Variants in SLC25A26 observed in about 807,000 individuals in gnomAD.
The protein encoded by SLC25A26 is solute carrier family 25 member 26, also known as mitochondrial S-adenosylmethionine carrier protein.
Under a neutral mutation model 37.8 loss-of-function variants are expected in SLC25A26, and 36 were observed. The observed-to-expected ratio is 0.95, with a 90% CI of 0.73 to 1.26. The LOEUF is 1.26. SLC25A26 is among the 50% of genes most tolerant of loss of function. SLC25A26 has a pLI of 0.00. For missense variants in SLC25A26, 390 were observed against 331.1 expected, an observed-to-expected ratio of 1.18 and a Z score of -1.38; for synonymous variants, 129 against 122.5, an observed-to-expected ratio of 1.05 and a Z score of -0.35.
intron 5 of SLC25A26, among the ~76,000 whole-genome samples, chr3:66,345,145 A>T (rs1428423224): frequency 2.0e-5 from 3 of 152,012 alleles, no homozygotes; most frequent in Non-Finnish European, 2.9e-5. Flanking sequence ...TCTCTTGACC[A>T]CTCATACTTC....
At chr3:66,217,694 G>A (rs1470884896), upstream of SLC25A26, among the ~76,000 whole-genome samples, 4 of 152,010 alleles carry the variant, frequency 2.6e-5, 1 homozygote, top group East Asian at 3.9e-4. Context: ...GACTCCAGGC[G>A]CGCATCACCA....
At chr3:66,333,865 G>C (rs1218702356) in intron 5 of SLC25A26, among the ~76,000 whole-genome samples, 1 of 152,074 alleles carries the variant, frequency 6.6e-6, no homozygotes. Context: ...ACACACTCCA[G>C]TTCCCTCCTC....
chr3:66,258,769 G>A (rs2127234), intron 3 of SLC25A26, among the ~76,000 whole-genome samples: 2,192 of 151,932 alleles, frequency 0.014, 51 homozygotes, highest in African/African-American at 0.05. Context: ...AGAATTGCCT[G>A]AGCCCAGGAG....
At chr3:66,161,176 A>T (rs1156238413) in intron 1 of SLC25A26, among the ~76,000 whole-genome samples, 1 of 151,840 alleles carries the variant, frequency 6.6e-6, no homozygotes, top group Non-Finnish European at 1.5e-5. Flanking sequence ...AAAAAAAAAA[A>T]GAACTTCTTT....
chr3:66,161,134 A>G (rs2070352512), intron 1 of SLC25A26, among the ~76,000 whole-genome samples: 1 of 152,048 alleles, frequency 6.6e-6, no homozygotes, highest in Non-Finnish European at 1.5e-5. Flanking sequence ...AAGGATAGAA[A>G]AGGATTCAAT....
intron 5 of SLC25A26, among the ~76,000 whole-genome samples, chr3:66,331,006 T>C (rs574793438): frequency 1.3e-5 from 2 of 152,064 alleles, no homozygotes; most frequent in South Asian, 2.1e-4. Flanking sequence ...TTATTATTAA[T>C]ATAATTTAGA....
At chr3:66,244,853 T>C (rs1201495838) in intron 3 of SLC25A26, among the ~76,000 whole-genome samples, 1 of 151,394 alleles carries the variant, frequency 6.6e-6, no homozygotes, top group East Asian at 1.9e-4. Context: ...GGTGGGTGCC[T>C]GTAGTCCCAG....
At position 66,341,265 on chromosome 3, in the gene SLC25A26, T is replaced by G. The variant is rs117402195; in HGVS notation, c.454-5099T>G. 4.7e-3 allele frequency among the ~76,000 whole-genome samples: 716 copies of G among 152,240 alleles called. 17 individuals are homozygous for G. Among genetic ancestry groups the G allele is most frequent in the Admixed American group, 0.043 (663 of 15,280 alleles). On this transcript the variant is annotated intron_variant, in intron 5 of 9. Transcript: ENST00000354883. ...GAGGAAGTTCCTTCCCATTCTTATTTTGATGAGCATTTTTATCATAAGTCA... is the reference window on the plus strand; with the variant it reads ...GAGGAAGTTCCTTCCCATTCTTATTGTGATGAGCATTTTTATCATAAGTCA...
chr3:66,192,317 C>CAAAA (rs1229602690), intron 1 of SLC25A26, among the ~76,000 whole-genome samples: 98 of 109,998 alleles, frequency 8.9e-4, no homozygotes, highest in South Asian at 2.6e-3. Flanking sequence ...CTCCATGTCA[C>CAAAA]AAAAAAAAAA....
chr3:66,277,682 C>T (rs149545475), intron 5 of SLC25A26, among the ~76,000 whole-genome samples: 1 of 152,138 alleles, frequency 6.6e-6, no homozygotes, highest in Non-Finnish European at 1.5e-5. Context: ...CTATTTATCA[C>T]TTACAAAGGG....
intron 1 of SLC25A26, among the ~76,000 whole-genome samples, chr3:66,147,968 A>T (rs1559550879): frequency 6.6e-6 from 1 of 152,016 alleles, no homozygotes; most frequent in Non-Finnish European, 1.5e-5. Flanking sequence ...CCTGTCGGCC[A>T]GGCTGGTCTG....
chr3:66,260,900 A>G (rs2073503622), intron 3 of SLC25A26, among the ~76,000 whole-genome samples: 1 of 152,196 alleles, frequency 6.6e-6, no homozygotes, highest in Non-Finnish European at 1.5e-5. Flanking sequence ...TTACATTATA[A>G]ATTTGCTGTA....
chr3:66,147,739 C>T (rs1482403205), intron 1 of SLC25A26, among the ~76,000 whole-genome samples: 3 of 152,026 alleles, frequency 2.0e-5, no homozygotes, highest in African/African-American at 7.2e-5. Context: ...ACCACATACA[C>T]ACTAACATCT....
chr3:66,344,781 T>G (rs1194077958), intron 5 of SLC25A26, among the ~76,000 whole-genome samples: 3 of 152,236 alleles, frequency 2.0e-5, no homozygotes, highest in Non-Finnish European at 4.4e-5. Flanking sequence ...GTCTTAAGTT[T>G]GAATTTCAGA....
chr3:66,275,071 A>C (rs2074091435), intron 5 of SLC25A26, among the ~76,000 whole-genome samples: 1 of 152,172 alleles, frequency 6.6e-6, no homozygotes, highest in African/African-American at 2.4e-5. Flanking sequence ...CTACGCAGCC[A>C]TAAAAAATGA....
chr3:66,320,923 A>G (rs1273269289), intron 5 of SLC25A26, among the ~76,000 whole-genome samples: 1 of 152,226 alleles, frequency 6.6e-6, no homozygotes, highest in South Asian at 2.1e-4. Context: ...TATAATTGCT[A>G]TGGTCTGAAT....
intron 6 of SLC25A26, among the ~76,000 whole-genome samples, chr3:66,355,157 G>A (rs1243335999): frequency 2.0e-5 from 3 of 151,894 alleles, no homozygotes; most frequent in Admixed American, 2.0e-4. Context: ...ATATTACTAA[G>A]CAAACCCAGC....
chr3:66,191,660 TG>T (rs2070944334), intron 1 of SLC25A26, among the ~76,000 whole-genome samples: 1 of 147,670 alleles, frequency 6.8e-6, no homozygotes, highest in Admixed American at 6.7e-5. Flanking sequence ...GAGGGTGAGG[TG>T]GGTGGATCAT....
chr3:66,231,128 T>C (rs997195363), intron 1 of SLC25A26, among the ~76,000 whole-genome samples: 1 of 152,184 alleles, frequency 6.6e-6, no homozygotes, highest in Non-Finnish European at 1.5e-5. Flanking sequence ...TGAGCTGAGA[T>C]TGTGCCACTG....
Sources: gnomAD v4.1 joint callset for allele counts (sites outside exome capture counted in the v4.1 genomes callset) on GRCh38, gnomAD v4.1.1 for gene constraint, MANE v1.5 for transcripts, NCBI Gene and HGNC (gene_info 2026-07-23, HGNC 2026-07-21) for gene names.